Variants in SPTA1 observed in about 807,000 individuals in gnomAD.
SPTA1 encodes the protein spectrin alpha chain, erythrocytic 1.
In SPTA1, 177 loss-of-function variants were observed where a neutral mutation model predicts 324.7. The observed-to-expected ratio is 0.55, with a 90% CI of 0.48 to 0.62. The LOEUF is 0.62. Among genes scored for constraint, SPTA1 ranks in the 20% least tolerant of loss-of-function variants. SPTA1 has a pLI of 0.00. For synonymous variants in SPTA1, 1,195 were observed against 1,041.3 expected (o/e 1.15, Z -2.84); for missense variants, 3,162 against 2,883.6 (o/e 1.10, Z -2.21).
rs1649233737 is a variant in SPTA1 at position 158,611,168 on chromosome 1, A to ACACACACAC, written c.*95_*96insGTGTGTGTG. ...ACACACACACACACACACACACACG[A>ACACACACAC]GGCCATCTTTATCTTCCACATTTGC... On this transcript the variant is annotated 3_prime_UTR_variant, in exon 52 of 52. Transcript: ENST00000643759. 3 of 993,426 alleles carry ACACACACAC rather than the reference A, an allele frequency of 3.0e-6. No homozygotes were observed. Among genetic ancestry groups the ACACACACAC allele is most frequent in the Non-Finnish European group, 4.4e-6 (3 of 676,190 alleles). The allele number at this position is 993,426 out of a possible 1,614,324, so 61.5% of individuals were successfully genotyped here. A position where few individuals can be genotyped will look rare whatever the true frequency, so the allele number is the denominator to read the frequency against.
chr1:158,662,988 A>G (rs755068660), intron 16 of SPTA1, 43 bp from the exon 17 acceptor site: 1 of 1,612,236 alleles, frequency 6.2e-7, no homozygotes, highest in Non-Finnish European at 8.5e-7. Flanking sequence ...CCCATCATTT[A>G]GTAGGAAGTA....
At chr1:158,682,954 A>C (rs1022864825) in intron 3 of SPTA1, among the ~76,000 whole-genome samples, 1 of 152,196 alleles carries the variant, frequency 6.6e-6, no homozygotes, top group African/African-American at 2.4e-5. Flanking sequence ...GAGGCATCAT[A>C]GACAAAGGAA....
rs1248832413 is a variant in SPTA1 at position 158,680,671 on chromosome 1, T to C, written c.590A>G (p.His197Arg). Residue 197 changes from histidine (H) to arginine (R), a missense_variant, in exon 5 of 52, where the codon CAT (histidine) becomes CGT (arginine). Physicochemically the swap from His to Arg is conservative, Grantham distance 29. Transcript: ENST00000643759. ...GEDWERTEVL[H>R]KKFEDFQVEL... ...CACTTGGAAGTCTTCAAATTTCTTA[T>C]GCAGAACTTCGGTGCGCTCCCAGTC... The C allele has an allele frequency of 1.9e-6, 3 of 1,613,848 alleles. No individual in the cohort carries two copies. The highest frequency in any genetic ancestry group is 4.5e-5 in the East Asian group (2 of 44,884).
rs1655186345 is a variant in SPTA1, at chr1:158,686,478, A to C, written c.24+16T>G. 6.5e-7 allele frequency: 1 copy of C among 1,542,634 alleles called. No individual in the cohort carries two copies. Among genetic ancestry groups the C allele is most frequent in the East Asian group, 2.2e-5 (1 of 44,468 alleles). On this transcript the variant is annotated intron_variant, in intron 1 of 51. Coordinates refer to ENST00000643759, the MANE Select transcript of SPTA1 (RefSeq NM_003126.4). ...ATATTAATGACAAATTGCATGGAAGAGAAATATGTACTTACGGTTTCCTTT... is the reference window on the plus strand; with the variant it reads ...ATATTAATGACAAATTGCATGGAAGCGAAATATGTACTTACGGTTTCCTTT...
chr1:158,617,200 T>C (rs1043819865), intron 47 of SPTA1, among the ~76,000 whole-genome samples: 3 of 152,298 alleles, frequency 2.0e-5, no homozygotes, highest in African/African-American at 7.2e-5. Flanking sequence ...TTCATCATCA[T>C]GTTCTAAATC....
chr1:158,615,233 C>T lies in SPTA1; in HGVS notation c.6771G>A (p.Glu2257=). The T allele has an allele frequency of 6.2e-7, 1 of 1,613,462 alleles. No homozygotes were observed. Among genetic ancestry groups the T allele is most frequent in the Non-Finnish European group, 8.5e-7 (1 of 1,179,996 alleles). ...QLGLRMQHNL[E]QQIQAKDIKG... is the part of the protein sequence containing the mutation. ...CTCAATACTTGGCCTGGATCTGTTGCTCCAGGTTGTGTTGCATCCGCAACC... is the reference window on the plus strand; with the variant it reads ...CTCAATACTTGGCCTGGATCTGTTGTTCCAGGTTGTGTTGCATCCGCAACC... The change falls in exon 48 of 52, where the codon GAG becomes GAA. Residue 2257 remains glutamate, a synonymous_variant. Transcript: ENST00000643759.
At position 158,661,296 on chromosome 1, in the gene SPTA1, C is replaced by T; in HGVS notation, c.2578G>A (p.Val860Ile). 1 of 1,613,904 alleles carries T rather than the reference C, an allele frequency of 6.2e-7. No homozygotes were observed. ...QEITERGNKM[V>I]EEGHFAAEDV... is the part of the protein sequence containing the mutation. The stretch of plus-strand genomic sequence containing the variant: ...TCTCAATCATACATACCTTCCTCTA[C>T]CATTTTGTTTCCCCTTTCTGTTATC... The change falls in exon 18 of 52, where the codon GTA becomes ATA. Residue 860 changes from valine to isoleucine, a missense_variant. By Grantham distance (29) the Val-to-Ile change is conservative. Transcript: ENST00000643759.
chr1:158,647,202 A>T (rs1404286900), intron 27 of SPTA1, among the ~76,000 whole-genome samples: 1 of 152,112 alleles, frequency 6.6e-6, no homozygotes, highest in Non-Finnish European at 1.5e-5. Flanking sequence ...GTTTGTTACA[A>T]TGTGTGTTTT....
At chr1:158,646,507 AAAC>A (rs1198181571) in intron 27 of SPTA1, among the ~76,000 whole-genome samples, 4 of 152,188 alleles carry the variant, frequency 2.6e-5, no homozygotes, top group African/African-American at 9.6e-5. Context: ...AACAAACAAA[AAAC>A]AGAGCATAGG....
intron 10 of SPTA1, among the ~76,000 whole-genome samples, chr1:158,672,761 T>C (rs944907720): frequency 2.0e-5 from 3 of 152,072 alleles, no homozygotes; most frequent in African/African-American, 7.2e-5. Flanking sequence ...TGCCCAAGAA[T>C]TTCCAGCTTG....
chr1:158,615,682 ATTCT>A (rs894498552), intron 47 of SPTA1, among the ~76,000 whole-genome samples: 11 of 146,634 alleles, frequency 7.5e-5, no homozygotes, highest in South Asian at 2.2e-4. Flanking sequence ...ATATCTATAT[ATTCT>A]TTCTATCTAT....
Position 158,611,199 on chromosome 1 carries a change from C to T in SPTA1, c.*65G>A. The T allele has an allele frequency of 6.3e-7, 1 of 1,593,390 alleles. No homozygotes were observed. Among genetic ancestry groups the T allele is most frequent in the African/African-American group, 1.3e-5 (1 of 74,200 alleles). ...TCTTTATCTTCCACATTTGCCTGTA[C>T]TCTTTGCCCCCCAGTAAATTTCCCA... On this transcript the variant is annotated 3_prime_UTR_variant, in exon 52 of 52. Coordinates refer to ENST00000643759, the MANE Select transcript of SPTA1 (RefSeq NM_003126.4).
intron 18 of SPTA1, among the ~76,000 whole-genome samples, chr1:158,659,023 A>T (rs985830484): frequency 6.6e-6 from 1 of 152,106 alleles, no homozygotes; most frequent in African/African-American, 2.4e-5. Context: ...GAAGAAAAAT[A>T]ATACAAATGA....
Position 158,619,268 on chromosome 1 carries a change from A to G in SPTA1, c.6484T>C (p.Phe2162Leu). ...AGGAAGGTACTGGCATTCTGTTCAAACTCCTGACACATCTCAAAGTTCTTG... is the reference window on the plus strand; with the variant it reads ...AGGAAGGTACTGGCATTCTGTTCAAGCTCCTGACACATCTCAAAGTTCTTG... ...QVKNFEMCQE[F>L]EQNASTFLQW... Residue 2162 changes from phenylalanine (F) to leucine (L), a missense_variant, in exon 45 of 52, where the codon TTT becomes CTT. Coordinates refer to ENST00000643759, the MANE Select transcript of SPTA1 (RefSeq NM_003126.4). The G allele has an allele frequency of 6.2e-7, 1 of 1,613,854 alleles. No individual in the cohort carries two copies. The highest frequency in any genetic ancestry group is 1.1e-5 in the South Asian group (1 of 91,070).
chr1:158,615,126 T>A (rs1180224916), intron 48 of SPTA1, 90 bp downstream of exon 48: 10 of 1,465,988 alleles, frequency 6.8e-6, no homozygotes, highest in African/African-American at 4.2e-5. Context: ...AACTCTTTTA[T>A]CTGGTGCACC....
chr1:158,625,759 C>A (rs1412668), intron 42 of SPTA1, among the ~76,000 whole-genome samples: 1 of 151,126 alleles, frequency 6.6e-6, no homozygotes, highest in African/African-American at 2.4e-5. Context: ...TATTTAAAAT[C>A]GATATGTTAG....
In SPTA1 at chr1:158,619,318, A is replaced by G. The variant is rs1342457456; in HGVS notation, c.6434T>C (p.Leu2145Pro). The change falls in exon 45 of 52, where the codon CTG becomes CCG. Residue 2145 changes from leucine to proline, a missense_variant. Coordinates refer to ENST00000643759, the MANE Select transcript of SPTA1 (RefSeq NM_003126.4). ...SDIIEEREQE[L>P]QKEEARQVKN... ...GACCTGTCTTGCCTCTTCCTTTTGC[A>G]GCTCCTGCTCCCGTTCCTAAAACCC... 1 of 1,614,126 alleles carries G rather than the reference A, an allele frequency of 6.2e-7. No homozygotes were observed. The highest frequency in any genetic ancestry group is 2.2e-5 in the East Asian group (1 of 44,882).
Position 158,638,124 on chromosome 1 carries a change from C to A in SPTA1, c.5098G>T (p.Glu1700Ter), listed in dbSNP as rs1303238681. Residue 1700 changes from glutamate (E) to a stop codon, truncating the protein, a stop_gained, in exon 36 of 52, where the codon GAA becomes TAA. Coordinates refer to ENST00000643759, the MANE Select transcript of SPTA1 (RefSeq NM_003126.4). LOFTEE classifies it high-confidence loss of function. ...NVNKRFLNVQ[E>*]LAAAHHEKLK... Reference sequence around the variant, plus strand: ...TTTTCGTGGTGTGCAGCTGCCAATTCTTGGACATTCAGGAAACGCTTGTTG... The same window carrying A: ...TTTTCGTGGTGTGCAGCTGCCAATTATTGGACATTCAGGAAACGCTTGTTG... 6.2e-7 allele frequency: 1 copy of A among 1,614,050 alleles called. No individual in the cohort carries two copies. The highest frequency in any genetic ancestry group is 1.7e-5 in the Admixed American group (1 of 59,984).
intron 23 of SPTA1, 33 bp downstream of exon 23, chr1:158,652,434 G>A: frequency 1.2e-6 from 2 of 1,609,374 alleles, no homozygotes; most frequent in Non-Finnish European, 1.7e-6. Context: ...AGCAAACAAT[G>A]GCAACCTTCA....
Sources: gnomAD v4.1 joint callset for allele counts (sites outside exome capture counted in the v4.1 genomes callset) on GRCh38, gnomAD v4.1.1 for gene constraint, MANE v1.5 for transcripts, NCBI Gene and HGNC (gene_info 2026-07-23, HGNC 2026-07-21) for gene names.